SULT6B1: variants seen among roughly 807,000 people sequenced by gnomAD.
SULT6B1 encodes sulfotransferase family 6B member 1.
In SULT6B1, 44 loss-of-function variants were observed where a neutral mutation model predicts 37.2. The observed-to-expected ratio is 1.18, with a 90% confidence interval of 0.93 to 1.52. The LOEUF (loss-of-function observed/expected upper bound fraction) is 1.52, where lower values mean the gene tolerates loss of function less well. Among genes scored for constraint, SULT6B1 ranks in the 40% most tolerant of loss-of-function variants. The pLI, the probability that SULT6B1 is intolerant of heterozygous loss-of-function variation, is 0.00. For missense variants in SULT6B1, 450 were observed against 361.0 expected, an observed-to-expected ratio of 1.25 and a Z score of -2.00; for synonymous variants, 140 against 126.0, an observed-to-expected ratio of 1.11 and a Z score of -0.74.
At chr2:37,171,642 T>C in intron 5 of SULT6B1, 52 bp from the exon 6 acceptor site, 1 of 1,572,316 alleles carries the variant, frequency 6.4e-7, no homozygotes, top group Non-Finnish European at 8.7e-7. Flanking sequence ...AATTGTTCTC[T>C]GAGCTGAGAC....
intron 6 of SULT6B1, among the ~76,000 whole-genome samples, chr2:37,168,346 T>C (rs1264919506): frequency 6.6e-6 from 1 of 152,118 alleles, no homozygotes; most frequent in Non-Finnish European, 1.5e-5. Flanking sequence ...TTAGTAGAGA[T>C]GGGGTTTCGC....
chr2:37,187,435 A>G lies in SULT6B1; in HGVS notation c.232T>C (p.Leu78=). The change falls in exon 2 of 7, where the codon TTA becomes CTA. Residue 78 remains leucine (L), a synonymous_variant. Transcript: ENST00000535679. ...SNWILHIVSE[L]IYAVSKKKYK... is the part of the protein sequence containing the mutation. The stretch of plus-strand genomic sequence containing the variant: ...TTTTTTTTAGAAACAGCATATATTA[A>G]TTCACTGACAATGTGGAGAATCCAG... 2 of 1,605,286 alleles carry G rather than the reference A, an allele frequency of 1.2e-6. No individual in the cohort carries two copies. The highest frequency in any genetic ancestry group is 1.7e-6 in the Non-Finnish European group (2 of 1,174,164).
chr2:37,183,812 T>A (rs140621747), intron 2 of SULT6B1, among the ~76,000 whole-genome samples: 3,533 of 152,168 alleles, frequency 0.023, 64 homozygotes, highest in Middle Eastern at 0.054. Flanking sequence ...CCCAGTTAAT[T>A]TTTGTATTTT....
chr2:37,193,841 T>C (rs1306156820), intron 1 of SULT6B1, among the ~76,000 whole-genome samples: 1 of 152,172 alleles, frequency 6.6e-6, no homozygotes, highest in Non-Finnish European at 1.5e-5. Context: ...ATCTTTCTAG[T>C]CATTTGCATC....
In SULT6B1 at chr2:37,171,498, G is replaced by A; in HGVS notation, c.717C>T (p.Phe239=). 5 of 1,614,192 alleles carry A rather than the reference G, an allele frequency of 3.1e-6. No homozygotes were observed. The highest frequency in any genetic ancestry group is 2.2e-5 in the South Asian group (2 of 91,070). The change falls in exon 6 of 7, where the codon TTC becomes TTT. Residue 239 remains phenylalanine (F), a synonymous_variant. Transcript: ENST00000535679. Reference sequence around the variant, plus strand: ...CCTGAGACTTCGCACGCATGGCTTGGAAGGTGCTCTGGACTGAGATAGTTT... The same window carrying A: ...CCTGAGACTTCGCACGCATGGCTTGAAAGGTGCTCTGGACTGAGATAGTTT... The part of the protein sequence containing the change: ...QIQTISVQST[F]QAMRAKSQDT...
chr2:37,188,684 G>C (rs760605157), upstream of SULT6B1: 10 of 709,130 alleles, frequency 1.4e-5, no homozygotes, highest in South Asian at 1.5e-4. Flanking sequence ...TGTTCAGGGG[G>C]AGTGATTGCT....
chr2:37,192,199 A>C (rs1000285569), upstream of SULT6B1, among the ~76,000 whole-genome samples: 6 of 152,260 alleles, frequency 3.9e-5, no homozygotes, highest in African/African-American at 4.8e-5. Context: ...CAATATATAT[A>C]TCAATTGTAA....
intron 2 of SULT6B1, among the ~76,000 whole-genome samples, chr2:37,185,734 A>AAAAAAAAAT (rs1676659832): frequency 6.7e-6 from 1 of 148,648 alleles, no homozygotes; most frequent in Non-Finnish European, 1.5e-5. Flanking sequence ...AAAAAAAAAA[A>AAAAAAAAAT]AAACAGAGAG....
At chr2:37,182,412 C>T (rs1443437966) in intron 3 of SULT6B1, among the ~76,000 whole-genome samples, 2 of 152,112 alleles carry the variant, frequency 1.3e-5, no homozygotes, top group Non-Finnish European at 2.9e-5. Flanking sequence ...TGCTATCACA[C>T]CTGGCTATTT....
intron 2 of SULT6B1, among the ~76,000 whole-genome samples, chr2:37,185,727 A>AAAAAAAAC (rs61032333): frequency 0.014 from 2,068 of 150,504 alleles, 69 homozygotes; most frequent in African/African-American, 0.048. Context: ...CAAAAAAAAA[A>AAAAAAAAC]AAAAAAAAAA....
upstream of SULT6B1, among the ~76,000 whole-genome samples, chr2:37,190,551 T>G (rs1676760894): frequency 1.3e-5 from 2 of 152,242 alleles, no homozygotes; most frequent in South Asian, 4.1e-4. Context: ...CCTTTTGCAG[T>G]TAGGTTAATT....
intron 3 of SULT6B1, among the ~76,000 whole-genome samples, chr2:37,182,308 C>G (rs900643352): frequency 2.0e-5 from 3 of 149,690 alleles, no homozygotes; most frequent in African/African-American, 7.4e-5. Flanking sequence ...GGCTGGAGAG[C>G]AGTGGCGAGA....
chr2:37,183,542 ATG>A, intron 2 of SULT6B1, 28 bp from the exon 3 acceptor site: 1 of 1,565,802 alleles, frequency 6.4e-7, no homozygotes, highest in Non-Finnish European at 8.8e-7. Context: ...AAAGGTGAAA[ATG>A]TGCACGTGTG....
chr2:37,171,292 T>C, intron 6 of SULT6B1, 142 bp downstream of exon 6: 1 of 936,518 alleles, frequency 1.1e-6, no homozygotes, highest in South Asian at 2.2e-5. Context: ...GTTACAGCTC[T>C]GGAGAGCCTG....
chr2:37,169,764 A>T (rs545518977), intron 6 of SULT6B1, among the ~76,000 whole-genome samples: 292 of 152,292 alleles, frequency 1.9e-3, no homozygotes, highest in Non-Finnish European at 2.6e-3. Flanking sequence ...AAGTGCTGGG[A>T]TTACAGGCAT....
chr2:37,185,961 A>G (rs1296240450), intron 2 of SULT6B1, among the ~76,000 whole-genome samples: 1 of 152,242 alleles, frequency 6.6e-6, no homozygotes, highest in South Asian at 2.1e-4. Flanking sequence ...GCTTTGGTAC[A>G]GGTGACCCTC....
upstream of SULT6B1, among the ~76,000 whole-genome samples, chr2:37,192,685 C>A (rs1420431128): frequency 1.3e-5 from 2 of 152,180 alleles, no homozygotes; most frequent in Non-Finnish European, 2.9e-5. Context: ...TCCCTCTGGT[C>A]AGGTAGAATT....
chr2:37,169,479 T>C (rs1676249548), intron 6 of SULT6B1, among the ~76,000 whole-genome samples: 1 of 151,976 alleles, frequency 6.6e-6, no homozygotes. Flanking sequence ...TTTGTTTTTG[T>C]TTTCTTGTTT....
upstream of SULT6B1, among the ~76,000 whole-genome samples, chr2:37,189,105 A>C (rs1676733082): frequency 1.3e-5 from 2 of 152,168 alleles, no homozygotes; most frequent in Admixed American, 6.5e-5. Flanking sequence ...AAAAGAGACC[A>C]GATTTGGGGG....
Sources: allele counts gnomAD v4.1 joint callset (sites outside exome capture counted in the v4.1 genomes callset), GRCh38; gene constraint gnomAD v4.1.1; transcripts MANE v1.5; gene names NCBI Gene and HGNC (gene_info 2026-07-23, HGNC 2026-07-21).